The following ATIC variants were observed in gnomAD, a reference collection of about 807,000 sequenced individuals.
ATIC encodes the protein 5-aminoimidazole-4-carboxamide ribonucleotide formyltransferase/IMP cyclohydrolase.
ATIC carries 64 observed loss-of-function variants against 72.5 expected under a neutral mutation model. The ratio of observed to expected loss-of-function variants is 0.88; its 90% CI spans 0.72 to 1.09. The LOEUF (loss-of-function observed/expected upper bound fraction) is 1.09. Among genes scored for constraint, ATIC ranks in the 50% least tolerant of loss-of-function variants. ATIC has a pLI of 0.00. For missense variants in ATIC, 787 were observed against 732.4 expected (o/e 1.07, Z -0.86); for synonymous variants, 281 against 267.1 (o/e 1.05, Z -0.51).
the ATIC span, chr2:215,361,356 C>A: frequency 1.6e-6 from 1 of 632,020 alleles, no homozygotes; most frequent in African/African-American, 1.8e-5. Flanking sequence ...GTGCAGCCCT[C>A]ATTTATGAGA....
chr2:215,346,880 GA>G lies in ATIC; in HGVS notation c.1443del (p.Val482Ter). The G allele has an allele frequency of 6.2e-7, 1 of 1,614,196 alleles. No individual in the cohort carries two copies. Among genetic ancestry groups the G allele is most frequent in the Non-Finnish European group, 8.5e-7 (1 of 1,180,044 alleles). ...PQVLSMKFKT[G>X]VKRAEISNAI... ...GTGCTTTCGATGAAGTTTAAAACAGGAGTGAAGAGAGCAGAAATCTCCAATG... is the reference window on the plus strand; with the variant it reads ...GTGCTTTCGATGAAGTTTAAAACAGGGTGAAGAGAGCAGAAATCTCCAATG... On this transcript the variant is annotated frameshift_variant, in exon 14 of 16. Transcript: ENST00000236959. LOFTEE classifies it high-confidence loss of function.
intron 4 of ATIC, among the ~76,000 whole-genome samples, chr2:215,324,385 A>G (rs1297742632): frequency 6.6e-6 from 1 of 152,096 alleles, no homozygotes; most frequent in African/African-American, 2.4e-5. Flanking sequence ...TATTGAGATG[A>G]TCAGGTGGTT....
At chr2:215,318,070 C>G in intron 2 of ATIC, 87 bp from the exon 3 acceptor site, 1 of 1,222,654 alleles carries the variant, frequency 8.2e-7, no homozygotes, top group South Asian at 1.2e-5. Flanking sequence ...CTCAAAATCT[C>G]TTGAAATGAA....
chr2:215,332,279 T>C, intron 7 of ATIC, 103 bp from the exon 8 acceptor site: 3 of 1,503,564 alleles, frequency 2.0e-6, no homozygotes, highest in Non-Finnish European at 2.8e-6. Context: ...CTCTTAATTA[T>C]ACTTAAAACA....
the ATIC span, chr2:215,361,721 C>A: frequency 1.5e-5 from 16 of 1,057,096 alleles, no homozygotes; most frequent in Non-Finnish European, 2.2e-5. Context: ...ATGACAGCTG[C>A]TTATAGATAG....
chr2:215,368,531 C>T, the ATIC span, among the ~76,000 whole-genome samples: 1 of 152,146 alleles, frequency 6.6e-6, no homozygotes, highest in Non-Finnish European at 1.5e-5. Context: ...GACCCTTTTC[C>T]AAGACTTAGA....
chr2:215,318,352 T>A, intron 3 of ATIC, 119 bp downstream of exon 3: 1 of 967,830 alleles, frequency 1.0e-6, no homozygotes, highest in Non-Finnish European at 1.6e-6. Context: ...ATAAAGTTAA[T>A]GTTATGAAGT....
chr2:215,342,098 C>A (rs1287731239), intron 12 of ATIC, among the ~76,000 whole-genome samples: 1 of 152,094 alleles, frequency 6.6e-6, no homozygotes, highest in Non-Finnish European at 1.5e-5. Context: ...TCCACCTAGT[C>A]CTGCCTGTTG....
chr2:215,326,090 CGA>C lies in ATIC; in HGVS notation c.487_488del (p.Ser163Ter). The C allele has an allele frequency of 1.9e-6, 3 of 1,614,030 alleles. No individual in the cohort carries two copies. The East Asian group carries it at 6.7e-5, about 36-fold the overall frequency. On this transcript the variant is annotated frameshift_variant, in exon 6 of 16. Transcript: ENST00000236959. LOFTEE classifies it high-confidence loss of function. Reference protein sequence around the residue: ...VVVSTEMQSSESKDTSLETRR... With the variant: ...VVVSTEMQSSXSKDTSLETRR... ...TGGTGTCCACGGAGATGCAGAGCTCCGAGAGTAAGGACACCTCCTTGGAGACT... is the reference window on the plus strand; with the variant it reads ...TGGTGTCCACGGAGATGCAGAGCTCCGAGTAAGGACACCTCCTTGGAGACT...
At chr2:215,361,732 G>T in the ATIC span, 1 of 1,030,594 alleles carries the variant, frequency 9.7e-7, no homozygotes, top group Non-Finnish European at 1.5e-6. Context: ...TTATAGATAG[G>T]ATAATATTTC....
Position 215,346,789 on chromosome 2 carries a change from C to G in ATIC, c.1351C>G (p.Arg451Gly). ...VIGIGAGQQS[R>G]IHCTRLAGDK... ...CGGCATTGGAGCAGGACAGCAGTCT[C>G]GTATACACTGCACTCGCCTTGCAGG... The change falls in exon 14 of 16, where the codon CGT (arginine) becomes GGT (glycine). Residue 451 changes from arginine (R) to glycine (G), a missense_variant. Coordinates refer to ENST00000236959, the MANE Select transcript of ATIC (RefSeq NM_004044.7). 1 of 1,614,144 alleles carries G rather than the reference C, an allele frequency of 6.2e-7. No homozygotes were observed. Among genetic ancestry groups the G allele is most frequent in the South Asian group, 1.1e-5 (1 of 91,076 alleles).
At position 215,332,777 on chromosome 2, in the gene ATIC, A is replaced by G. The variant is rs149050827; in HGVS notation, c.814+270A>G. On this transcript the variant is annotated intron_variant, in intron 8 of 15. Transcript: ENST00000236959. ...AATAAAAGTGAAATGTCCTAATGCA[A>G]TAGACTAAGTCTTGTGCCACATCTT... Among the ~76,000 whole-genome samples the G allele has an allele frequency of 1.6e-3, 239 of 152,334 alleles. 1 individual carries two copies. Among genetic ancestry groups the G allele is most frequent in the Middle Eastern group, 6.8e-3 (2 of 294 alleles).
chr2:215,352,304 G>A (rs554178246), downstream of ATIC, among the ~76,000 whole-genome samples: 67 of 152,212 alleles, frequency 4.4e-4, no homozygotes, highest in South Asian at 1.0e-3. Flanking sequence ...AAAATAGGCC[G>A]GGCATGGTGG....
At chr2:215,345,076 A>G (rs758481917) in intron 13 of ATIC, 26 of 629,368 alleles carry the variant, frequency 4.1e-5, no homozygotes, top group Non-Finnish European at 7.4e-5. Context: ...CAGGTACTCA[A>G]AGTAGTTGTG....
In ATIC at chr2:215,326,082, C is replaced by T. The variant is rs1371735789; in HGVS notation, c.475C>T (p.Gln159Ter). 6.2e-7 allele frequency: 1 copy of T among 1,614,138 alleles called. No homozygotes were observed. The highest frequency in any genetic ancestry group is 1.1e-5 in the South Asian group (1 of 91,084). The change falls in exon 6 of 16, where the codon CAG becomes TAG. Residue 159 changes from glutamine to a stop codon, truncating the protein, a stop_gained. Transcript: ENST00000236959. LOFTEE classifies it high-confidence loss of function. ...CTATGTGGTGGTGTCCACGGAGATG[C>T]AGAGCTCCGAGAGTAAGGACACCTC... ...EDYVVVSTEM[Q>*]SSESKDTSLE...
At chr2:215,355,438 C>T in the ATIC span, among the ~76,000 whole-genome samples, 1 of 152,144 alleles carries the variant, frequency 6.6e-6, no homozygotes, top group Non-Finnish European at 1.5e-5. Context: ...ATCCCCTGGG[C>T]ACAGGGAGAA....
At position 215,346,069 on chromosome 2, in the gene ATIC, A is replaced by G. The variant is rs143950174; in HGVS notation, c.1321-690A>G. On this transcript the variant is annotated intron_variant, in intron 13 of 15. Transcript: ENST00000236959. ...TCAGATCCTTATCTCAATTTCTGAG[A>G]GTTGATATTTTAACTGTAATTTATA... Among the ~76,000 whole-genome samples the G allele has an allele frequency of 1.3e-3, 197 of 152,306 alleles. 1 individual carries two copies. Among genetic ancestry groups the G allele is most frequent in the African/African-American group, 4.5e-3 (189 of 41,554 alleles).
chr2:215,365,693 A>G, the ATIC span: 1 of 1,548,478 alleles, frequency 6.5e-7, no homozygotes. Flanking sequence ...ACAAGACAGT[A>G]GGTGAACTGG....
intron 2 of ATIC, 35 bp downstream of exon 2, chr2:215,312,659 G>A (rs2105985139): frequency 6.2e-7 from 1 of 1,613,958 alleles, no homozygotes; most frequent in East Asian, 2.2e-5. Context: ...AAAGGAGTGT[G>A]ATCACATTAA....
Sources: allele counts gnomAD v4.1 joint callset (sites outside exome capture counted in the v4.1 genomes callset), GRCh38; gene constraint gnomAD v4.1.1; transcripts MANE v1.5; gene names NCBI Gene and HGNC (gene_info 2026-07-23, HGNC 2026-07-21).